SMC1B: variants seen among roughly 807,000 people sequenced by gnomAD.
The protein encoded by SMC1B is structural maintenance of chromosomes protein 1B.
A neutral mutation model predicts 157.9 loss-of-function variants in SMC1B; 60 were observed. The ratio of observed to expected loss-of-function variants is 0.38; its 90% CI spans 0.31 to 0.47. The LOEUF (loss-of-function observed/expected upper bound fraction) is 0.47, where lower values mean the gene tolerates loss of function less well. Among genes scored for constraint, SMC1B ranks in the 20% least tolerant of loss-of-function variants. The pLI is 0.99. For missense variants in SMC1B, 1,165 were observed against 1,426.2 expected (o/e 0.82, Z 2.95); for synonymous variants, 445 against 483.0 (o/e 0.92, Z 1.03).
intron 12 of SMC1B, among the ~76,000 whole-genome samples, chr22:45,381,764 A>C (rs181014273): frequency 6.6e-6 from 1 of 152,334 alleles, no homozygotes; most frequent in East Asian, 1.9e-4. Flanking sequence ...CCTAGGCCTA[A>C]ATTTGTTAAA....
At chr22:45,410,747 A>T (rs1162551589) in intron 1 of SMC1B, among the ~76,000 whole-genome samples, 1 of 152,142 alleles carries the variant, frequency 6.6e-6, no homozygotes, top group Admixed American at 6.6e-5. Flanking sequence ...CAAAACTAGG[A>T]AAGTAACATA....
chr22:45,344,763 T>G, intron 24 of SMC1B, 106 bp from the exon 25 acceptor site: 1 of 700,286 alleles, frequency 1.4e-6, no homozygotes, highest in Non-Finnish European at 2.5e-6. Context: ...GGAATCTTCT[T>G]CAACCTAGTA....
chr22:45,352,389 T>C, intron 22 of SMC1B, 62 bp downstream of exon 22: 1 of 1,474,500 alleles, frequency 6.8e-7, no homozygotes, highest in Admixed American at 2.1e-5. Flanking sequence ...ATATATCTTC[T>C]GTAGGAAGGT....
intron 9 of SMC1B, among the ~76,000 whole-genome samples, chr22:45,391,998 C>G (rs1293720806): frequency 6.6e-6 from 1 of 152,144 alleles, no homozygotes; most frequent in Non-Finnish European, 1.5e-5. Context: ...CTCTGTCACC[C>G]AGGCTGGAGC....
chr22:45,372,543 G>T (rs903169998), intron 12 of SMC1B, among the ~76,000 whole-genome samples: 1 of 152,076 alleles, frequency 6.6e-6, no homozygotes, highest in East Asian at 1.9e-4. Flanking sequence ...ATGAAGAGGG[G>T]TGTGTATATT....
rs2086626090 is a variant in SMC1B at position 45,352,558 on chromosome 22, T to G, written c.3318A>C (p.Gly1106=). 6.8e-6 allele frequency: 11 copies of G among 1,613,772 alleles called. No individual in the cohort carries two copies. The East Asian group carries it at 2.5e-4, about 36-fold the overall frequency. Residue 1106 remains glycine (G), a synonymous_variant, in exon 22 of 25, where the codon GGA becomes GGC. Coordinates refer to ENST00000357450, the MANE Select transcript of SMC1B (RefSeq NM_148674.5). ...CTGGGGCCACACAGTTATAGCTAATTCCCTCCAAGTAAGGTTCTTCAGGGT... is the reference window on the plus strand; with the variant it reads ...CTGGGGCCACACAGTTATAGCTAATGCCCTCCAAGTAAGGTTCTTCAGGGT... ...PENPEEPYLE[G]ISYNCVAPGK... is the part of the protein sequence containing the mutation.
rs531270672 is a variant in SMC1B at position 45,360,470 on chromosome 22, G to T, written c.2709-512C>A. 2.0e-5 allele frequency among the ~76,000 whole-genome samples: 3 copies of T among 152,232 alleles called. No homozygotes were observed. The South Asian group carries it at 6.2e-4, about 32-fold the overall frequency. On this transcript the variant is annotated intron_variant, in intron 17 of 24. Coordinates refer to ENST00000357450, the MANE Select transcript of SMC1B (RefSeq NM_148674.5). The stretch of plus-strand genomic sequence containing the variant: ...GAAAATGGAAAAAAAAAGAAAGAAA[G>T]AAGAAAGTAAGAACTATGTGTTTTT...
chr22:45,386,230 T>G (rs1216773078), intron 11 of SMC1B, among the ~76,000 whole-genome samples: 3 of 152,062 alleles, frequency 2.0e-5, no homozygotes, highest in Non-Finnish European at 4.4e-5. Context: ...TATGTGATAC[T>G]TCATCATAAA....
intron 12 of SMC1B, among the ~76,000 whole-genome samples, chr22:45,381,803 T>C (rs572070031): frequency 4.2e-4 from 64 of 152,300 alleles, no homozygotes; most frequent in South Asian, 8.3e-4. Context: ...TTCCTATACC[T>C]TAGATTAAAA....
rs1198975662 is a variant in SMC1B at position 45,404,085 on chromosome 22, G to A, written c.616-1514C>T. Among the ~76,000 whole-genome samples the A allele has an allele frequency of 2.0e-5, 3 of 152,194 alleles. No homozygotes were observed. The East Asian group carries it at 5.8e-4, about 29-fold the overall frequency. On this transcript the variant is annotated intron_variant, in intron 4 of 24. Transcript: ENST00000357450. ...GCCTCCTGAGTAGCTGGGATTACAG[G>A]CATGTGCCACCACGCCCAGCTAATT... is the stretch of plus-strand genomic sequence containing the variant.
intron 4 of SMC1B, among the ~76,000 whole-genome samples, chr22:45,403,493 AC>A (rs1223836030): frequency 1.3e-5 from 2 of 151,990 alleles, no homozygotes; most frequent in East Asian, 3.9e-4. Flanking sequence ...TTGCTCTCTC[AC>A]CCAGGCTGGA....
intron 5 of SMC1B, among the ~76,000 whole-genome samples, chr22:45,400,182 C>A (rs1210131059): frequency 6.6e-6 from 1 of 152,122 alleles, no homozygotes; most frequent in Non-Finnish European, 1.5e-5. Flanking sequence ...ACACACCTAC[C>A]ACCTAGATGT....
intron 8 of SMC1B, among the ~76,000 whole-genome samples, chr22:45,394,404 T>G (rs2087098514): frequency 6.6e-6 from 1 of 151,380 alleles, no homozygotes; most frequent in Non-Finnish European, 1.5e-5. Context: ...ACTTTGGGAG[T>G]CCGAGGAGGG....
At chr22:45,389,188 A>G (rs6006740) in intron 10 of SMC1B, among the ~76,000 whole-genome samples, 146,489 of 152,188 alleles carry the variant, frequency 0.96, 70,562 homozygotes, top group Middle Eastern at 1. Context: ...TTCTTGAGTA[A>G]TCAATGAAAA....
At chr22:45,366,110 G>C (rs1438781703) in intron 15 of SMC1B, among the ~76,000 whole-genome samples, 1 of 152,124 alleles carries the variant, frequency 6.6e-6, no homozygotes, top group Admixed American at 6.6e-5. Flanking sequence ...TGCAACTTCT[G>C]CCTCCCAGGT....
intron 10 of SMC1B, among the ~76,000 whole-genome samples, chr22:45,388,350 G>A (rs2087013379): frequency 6.6e-6 from 1 of 152,290 alleles, no homozygotes; most frequent in African/African-American, 2.4e-5. Context: ...GCATTATGAA[G>A]GGGTAGGAGT....
At chr22:45,386,819 A>C in intron 11 of SMC1B, 48 bp downstream of exon 11, 1 of 1,532,214 alleles carries the variant, frequency 6.5e-7, no homozygotes, top group Non-Finnish European at 8.9e-7. Context: ...AGTCTTATAA[A>C]TACTACTTCA....
At position 45,396,475 on chromosome 22, in the gene SMC1B, A is replaced by G; in HGVS notation, c.1125T>C (p.Tyr375=). 3 of 1,611,792 alleles carry G rather than the reference A, an allele frequency of 1.9e-6. No homozygotes were observed. The highest frequency in any genetic ancestry group is 2.2e-5 in the East Asian group (1 of 44,686). ...TTCTTACTTGTTCCTTAAGTTCTTTATAACGATCCAGCTGCATAAACAGTA... is the reference window on the plus strand; with the variant it reads ...TTCTTACTTGTTCCTTAAGTTCTTTGTAACGATCCAGCTGCATAAACAGTA... ...IELEASQLDR[Y]KELKEQVRKK... The change falls in exon 7 of 25, where the codon TAT becomes TAC. Residue 375 remains tyrosine, a synonymous_variant. Coordinates refer to ENST00000357450, the MANE Select transcript of SMC1B (RefSeq NM_148674.5).
chr22:45,390,405 AGAAGTCTAG>A (rs2087043678), intron 9 of SMC1B, among the ~76,000 whole-genome samples: 1 of 152,166 alleles, frequency 6.6e-6, no homozygotes, highest in Non-Finnish European at 1.5e-5. Context: ...GGTTGGTATA[AGAAGTCTAG>A]GAAGGATTTC....
Sources: allele counts gnomAD v4.1 joint callset (sites outside exome capture counted in the v4.1 genomes callset), GRCh38; gene constraint gnomAD v4.1.1; transcripts MANE v1.5; gene names NCBI Gene and HGNC (gene_info 2026-07-23, HGNC 2026-07-21).